The following COMMD1 variants were observed in gnomAD, a reference collection of about 807,000 sequenced individuals.
COMMD1 encodes the protein COMM domain-containing protein 1.
A neutral mutation model predicts 17.2 loss-of-function variants in COMMD1; 10 were observed. That is an observed-to-expected ratio of 0.58 (90% confidence interval 0.36 to 0.99). COMMD1 has a LOEUF of 0.99. Among genes scored for constraint, COMMD1 ranks in the 50% least tolerant of loss-of-function variants. The pLI is 0.01. For synonymous variants in COMMD1, 97 were observed against 91.6 expected, an observed-to-expected ratio of 1.06 and a Z score of -0.34; for missense variants, 270 against 231.8, an observed-to-expected ratio of 1.17 and a Z score of -1.07.
intron 2 of COMMD1, among the ~76,000 whole-genome samples, chr2:62,099,982 G>A (rs1003520459): frequency 6.6e-6 from 1 of 152,014 alleles, no homozygotes; most frequent in Non-Finnish European, 1.5e-5. Flanking sequence ...AGTTCCTCAC[G>A]CAAAGTGCAC....
chr2:62,044,837 TAAA>T (rs542859899), intron 2 of COMMD1, among the ~76,000 whole-genome samples: 46 of 117,028 alleles, frequency 3.9e-4, no homozygotes, highest in East Asian at 1.5e-3. Flanking sequence ...GCTCCTAACT[TAAA>T]AAAAAAAAAA....
At chr2:61,899,999 A>C (rs1232729435) in intron 1 of COMMD1, among the ~76,000 whole-genome samples, 1 of 152,230 alleles carries the variant, frequency 6.6e-6, no homozygotes, top group Non-Finnish European at 1.5e-5. Flanking sequence ...CTAAAAGAGT[A>C]ATGTATTTCT....
chr2:62,003,509 C>A (rs1361643993), intron 2 of COMMD1, among the ~76,000 whole-genome samples: 3 of 151,430 alleles, frequency 2.0e-5, no homozygotes, highest in African/African-American at 7.3e-5. Flanking sequence ...CCACCGCACT[C>A]CAGCCTGGGC....
chr2:61,952,929 C>T (rs1463050940), intron 1 of COMMD1, among the ~76,000 whole-genome samples: 5 of 152,238 alleles, frequency 3.3e-5, no homozygotes, highest in African/African-American at 1.2e-4. Context: ...ATGGTGATAA[C>T]TGCACCATTT....
intron 2 of COMMD1, among the ~76,000 whole-genome samples, chr2:62,134,072 G>C (rs1302841161): frequency 6.6e-6 from 1 of 152,090 alleles, no homozygotes; most frequent in Non-Finnish European, 1.5e-5. Flanking sequence ...AAAATGCTGG[G>C]GTTACAGGCA....
At chr2:61,943,820 G>A (rs1670832724) in intron 1 of COMMD1, among the ~76,000 whole-genome samples, 2 of 152,194 alleles carry the variant, frequency 1.3e-5, no homozygotes, top group African/African-American at 4.8e-5. Context: ...TGGCGTCTCA[G>A]TGAGACTCTG....
intron 1 of COMMD1, among the ~76,000 whole-genome samples, chr2:61,963,633 C>T (rs867714355): frequency 2.6e-5 from 4 of 152,108 alleles, no homozygotes; most frequent in African/African-American, 4.8e-5. Flanking sequence ...CGTGAGCCAC[C>T]ATGCCCAGCC....
At chr2:62,040,162 AGGATTACTTGAGCCTAG>A (rs1003574207) in intron 2 of COMMD1, among the ~76,000 whole-genome samples, 1 of 152,178 alleles carries the variant, frequency 6.6e-6, no homozygotes, top group African/African-American at 2.4e-5. Flanking sequence ...CTGAGGTGGG[AGGATTACTTGAGCCTAG>A]GGAGTTGAGG....
chr2:62,042,243 C>T (rs936962936), intron 2 of COMMD1, among the ~76,000 whole-genome samples: 22 of 152,200 alleles, frequency 1.4e-4, no homozygotes, highest in African/African-American at 5.3e-4. Flanking sequence ...TAGCTAGACA[C>T]AGAGTGCTGA....
At chr2:61,987,252 G>A (rs967070000) in intron 1 of COMMD1, among the ~76,000 whole-genome samples, 2 of 152,026 alleles carry the variant, frequency 1.3e-5, no homozygotes, top group African/African-American at 4.8e-5. Flanking sequence ...GTGGATTCTC[G>A]TTAGTGTCTA....
intron 2 of COMMD1, among the ~76,000 whole-genome samples, chr2:62,005,477 C>T (rs1669084869): frequency 6.6e-6 from 1 of 152,064 alleles, no homozygotes; most frequent in African/African-American, 2.4e-5. Flanking sequence ...CCAGAATCTA[C>T]AATGAACTCA....
intron 1 of COMMD1, among the ~76,000 whole-genome samples, chr2:61,987,251 C>T (rs990725190): frequency 3.9e-5 from 6 of 152,058 alleles, no homozygotes; most frequent in African/African-American, 1.4e-4. Context: ...TGTGGATTCT[C>T]GTTAGTGTCT....
At chr2:62,001,057 A>AT in intron 2 of COMMD1, 75 bp downstream of exon 2, 1 of 1,321,956 alleles carries the variant, frequency 7.6e-7, no homozygotes, top group Non-Finnish European at 1.1e-6. Flanking sequence ...ATTCAGCTTG[A>AT]TTTTATGCAA....
chr2:62,013,237 A>T (rs556862815), intron 2 of COMMD1, among the ~76,000 whole-genome samples: 1 of 150,906 alleles, frequency 6.6e-6, no homozygotes, highest in African/African-American at 2.5e-5. Flanking sequence ...ATGTGATGTT[A>T]ATTAGGTAAA....
chr2:62,124,887 A>G (rs1377013975), intron 2 of COMMD1, among the ~76,000 whole-genome samples: 2 of 152,186 alleles, frequency 1.3e-5, no homozygotes, highest in Non-Finnish European at 2.9e-5. Flanking sequence ...AGTCACTTAC[A>G]TCAGTGGTAG....
In COMMD1 at chr2:61,922,618, G is replaced by A. The variant is rs577767264; in HGVS notation, c.180+16760G>A. Among the ~76,000 whole-genome samples the A allele has an allele frequency of 3.3e-5, 5 of 152,210 alleles. No homozygotes were observed. The South Asian group carries it at 1.0e-3, about 32-fold the overall frequency. The stretch of plus-strand genomic sequence containing the variant: ...GGTGTGAGCCACCATGCCCGGCCTA[G>A]GATTGTGGTAGTTTTATTATAAAAA... On this transcript the variant is annotated intron_variant, in intron 1 of 2. Coordinates refer to ENST00000311832, the MANE Select transcript of COMMD1 (RefSeq NM_152516.4).
chr2:61,924,792 C>A (rs145929155), intron 1 of COMMD1, among the ~76,000 whole-genome samples: 1 of 152,102 alleles, frequency 6.6e-6, no homozygotes, highest in Non-Finnish European at 1.5e-5. Context: ...GAACGGAGGC[C>A]GAGAGCATTG....
intron 1 of COMMD1, among the ~76,000 whole-genome samples, chr2:61,953,349 T>C (rs1671108387): frequency 6.6e-6 from 1 of 150,942 alleles, no homozygotes; most frequent in South Asian, 2.1e-4. Flanking sequence ...GGATTATTTA[T>C]GTAAGTATTT....
chr2:61,961,419 T>A (rs1671341142), intron 1 of COMMD1, among the ~76,000 whole-genome samples: 1 of 152,148 alleles, frequency 6.6e-6, no homozygotes, highest in Non-Finnish European at 1.5e-5. Flanking sequence ...CATCTCCAAA[T>A]ACGGAATGGC....
Sources: allele counts gnomAD v4.1 joint callset (sites outside exome capture counted in the v4.1 genomes callset), GRCh38; gene constraint gnomAD v4.1.1; transcripts MANE v1.5; gene names NCBI Gene and HGNC (gene_info 2026-07-23, HGNC 2026-07-21).